Variants in PCDHGB2 observed in about 807,000 individuals in gnomAD.
The protein encoded by PCDHGB2 is protocadherin gamma-B2.
Under a neutral mutation model 59.3 loss-of-function variants are expected in PCDHGB2, and 55 were observed. That is an observed-to-expected ratio of 0.93 (90% CI 0.75 to 1.16). The LOEUF (loss-of-function observed/expected upper bound fraction) is 1.16. PCDHGB2 is among the 50% of genes most tolerant of loss of function. PCDHGB2 has a pLI of 0.00. For synonymous variants in PCDHGB2, 516 were observed against 512.0 expected, an observed-to-expected ratio of 1.01 and a Z score of -0.11; for missense variants, 1,228 against 1,198.5, an observed-to-expected ratio of 1.02 and a Z score of -0.36.
At position 141,399,286 on chromosome 5, in the gene PCDHGB2, C is replaced by T; in HGVS notation, c.2421+36730C>T. 3.1e-6 allele frequency: 5 copies of T among 1,613,858 alleles called. No individual in the cohort carries two copies. In the South Asian group the frequency reaches 5.5e-5, roughly 18 times the overall value. ...TAATTGTCAATTACAAGGCGAAGTCCCTTTTAAGATTATCTCTTCATCCAA... is the reference window on the plus strand; with the variant it reads ...TAATTGTCAATTACAAGGCGAAGTCTCTTTTAAGATTATCTCTTCATCCAA... On this transcript the variant is annotated intron_variant, in intron 1 of 3. Transcript: ENST00000522605.
rs1430797606 is a variant in PCDHGB2 at position 141,370,494 on chromosome 5, C to T, written c.2421+7938C>T. On this transcript the variant is annotated intron_variant, in intron 1 of 3. Coordinates refer to ENST00000522605, the MANE Select transcript of PCDHGB2 (RefSeq NM_018923.3). ...AGACCAGGCTCTCTCCGAACCGATC[C>T]GCTACGCTATTCCCGAGGAGCTGGA... 3.1e-6 allele frequency: 5 copies of T among 1,613,784 alleles called. No homozygotes were observed. The African/African-American group carries it at 5.3e-5, about 17-fold the overall frequency.
At chr5:141,403,226 C>A in intron 1 of PCDHGB2, 3 of 1,613,926 alleles carry the variant, frequency 1.9e-6, no homozygotes, top group South Asian at 1.1e-5. Context: ...TAGGATAGAC[C>A]GGGAGGAGCT....
intron 1 of PCDHGB2, among the ~76,000 whole-genome samples, chr5:141,446,338 G>T (rs964323259): frequency 6.6e-6 from 1 of 152,128 alleles, no homozygotes; most frequent in African/African-American, 2.4e-5. Flanking sequence ...GGAACTGGAT[G>T]GACAAAGCTA....
Position 141,486,677 on chromosome 5 carries a change from G to A in PCDHGB2, c.2422-8130G>A, listed in dbSNP as rs755512470. ...ACTCCTGGAGCCCAGGAATCGAGATGTATCAGCTTCCTCTTTCATCTCTCT... is the reference window on the plus strand; with the variant it reads ...ACTCCTGGAGCCCAGGAATCGAGATATATCAGCTTCCTCTTTCATCTCTCT... On this transcript the variant is annotated intron_variant, in intron 1 of 3. Transcript: ENST00000522605. This position sits in a 1 kb window ranked among gnomAD's most constrained non-coding sequence, Gnocchi z 5.0. The A allele has an allele frequency of 3.7e-6, 6 of 1,614,060 alleles. No individual in the cohort carries two copies. Among genetic ancestry groups the A allele is most frequent in the Middle Eastern group, 1.6e-4 (1 of 6,062 alleles).
chr5:141,370,484 C>G (rs750551260), intron 1 of PCDHGB2: 1 of 1,613,866 alleles, frequency 6.2e-7, no homozygotes, highest in African/African-American at 1.3e-5. Context: ...AGGCTCTCTC[C>G]GAACCGATCC....
chr5:141,399,925 C>A (rs779347793), intron 1 of PCDHGB2: 3 of 1,612,364 alleles, frequency 1.9e-6, no homozygotes, highest in South Asian at 1.1e-5. Flanking sequence ...CAACGCCTGG[C>A]TGTCCTACCA....
At chr5:141,389,564 G>A in intron 1 of PCDHGB2, 1 of 1,613,244 alleles carries the variant, frequency 6.2e-7, no homozygotes, top group East Asian at 2.2e-5. Context: ...CGCCACGGGT[G>A]CTGTACCCCG....
At chr5:141,418,872 T>C (rs1351483025) in intron 1 of PCDHGB2, 11 of 1,613,996 alleles carry the variant, frequency 6.8e-6, no homozygotes, top group East Asian at 2.2e-5. Context: ...GTAGAAGTTG[T>C]AGACGAAAAC....
At chr5:141,492,256 A>G (rs1323720621) in intron 1 of PCDHGB2, among the ~76,000 whole-genome samples, 1 of 151,974 alleles carries the variant, frequency 6.6e-6, no homozygotes, top group Non-Finnish European at 1.5e-5. Context: ...CGGCCCACAC[A>G]AGTTGCACGG....
intron 1 of PCDHGB2, among the ~76,000 whole-genome samples, chr5:141,466,035 C>T (rs10054619): frequency 0.28 from 42,092 of 151,762 alleles, 6,545 homozygotes; most frequent in African/African-American, 0.42. Flanking sequence ...GGCAGGAGAA[C>T]GGCATGAACC....
intron 2 of PCDHGB2, among the ~76,000 whole-genome samples, 177 bp from the exon 3 acceptor site, chr5:141,505,216 T>C (rs547855353): frequency 1.1e-4 from 17 of 152,234 alleles, no homozygotes; most frequent in Non-Finnish European, 2.9e-5. Context: ...AGGGACTGAC[T>C]TGTGGGATTC....
At chr5:141,385,294 G>C (rs1781091106) in intron 1 of PCDHGB2, 2 of 1,613,150 alleles carry the variant, frequency 1.2e-6, no homozygotes, top group Non-Finnish European at 1.7e-6. Context: ...AGATTTTCAG[G>C]AATGTAAAGA....
intron 1 of PCDHGB2, chr5:141,419,330 C>T: frequency 1.2e-6 from 2 of 1,613,956 alleles, no homozygotes; most frequent in South Asian, 1.1e-5. Flanking sequence ...CTCCTACTCT[C>T]TCATTGCCAG....
intron 1 of PCDHGB2, chr5:141,393,859 T>A (rs1348760722): frequency 1.9e-6 from 3 of 1,613,994 alleles, no homozygotes; most frequent in Non-Finnish European, 2.5e-6. Flanking sequence ...GAAGTGATCA[T>A]TACGTCTTTG....
chr5:141,487,423 C>T lies in PCDHGB2; in HGVS notation c.2422-7384C>T. 1 of 1,614,158 alleles carries T rather than the reference C, an allele frequency of 6.2e-7. No homozygotes were observed. Among genetic ancestry groups the T allele is most frequent in the Non-Finnish European group, 8.5e-7 (1 of 1,180,012 alleles). On this transcript the variant is annotated intron_variant, in intron 1 of 3. Transcript: ENST00000522605. The surrounding 1 kb of genome is among the most constrained non-coding windows in gnomAD (Gnocchi z 5.0). ...GGCTTCCCCCTTCCAATGGGATCCTCCGAATCCAGCTAGGGTCAGATGACC... is the reference window on the plus strand; with the variant it reads ...GGCTTCCCCCTTCCAATGGGATCCTTCGAATCCAGCTAGGGTCAGATGACC...
intron 1 of PCDHGB2, chr5:141,390,668 A>C: frequency 5.2e-6 from 1 of 191,616 alleles, no homozygotes; most frequent in South Asian, 1.1e-4. Flanking sequence ...ATAAATATAA[A>C]AATAATAAAG....
In PCDHGB2 at chr5:141,490,654, C is replaced by A; in HGVS notation, c.2422-4153C>A. On this transcript the variant is annotated intron_variant, in intron 1 of 3. Transcript: ENST00000522605. The surrounding 1 kb of genome is among the most constrained non-coding windows in gnomAD (Gnocchi z 5.4). ...CCTAGAAAACCGGCCTCCGGGCTCC[C>A]TTCTTTGCACTGTGGCTGCCTCAGA... 6.2e-7 allele frequency: 1 copy of A among 1,614,206 alleles called. No individual in the cohort carries two copies. Among genetic ancestry groups the A allele is most frequent in the Non-Finnish European group, 8.5e-7 (1 of 1,180,014 alleles).
At chr5:141,508,324 G>A (rs1668975090) in intron 3 of PCDHGB2, 1 of 151,252 alleles carries the variant, frequency 6.6e-6, no homozygotes, top group African/African-American at 2.4e-5. Flanking sequence ...GAGGGGCACT[G>A]GAGAACTGAC....
intron 1 of PCDHGB2, chr5:141,420,295 T>G (rs1282298065): frequency 6.8e-7 from 1 of 1,466,506 alleles, no homozygotes; most frequent in East Asian, 2.3e-5. Flanking sequence ...AAAAATGTAT[T>G]TAATCCTTTT....
Sources: allele counts gnomAD v4.1 joint callset (sites outside exome capture counted in the v4.1 genomes callset), GRCh38; gene constraint gnomAD v4.1.1; non-coding constraint Gnocchi (gnomAD v3.1); transcripts MANE v1.5; gene names NCBI Gene and HGNC (gene_info 2026-07-23, HGNC 2026-07-21).